Variants in SPATA6 observed in about 807,000 individuals in gnomAD.
SPATA6 encodes spermatogenesis-associated protein 6.
A neutral mutation model predicts 65.3 loss-of-function variants in SPATA6; 56 were observed. The observed-to-expected ratio is 0.86, with a 90% CI of 0.69 to 1.07. SPATA6 has a LOEUF of 1.07. Among genes scored for constraint, SPATA6 ranks in the 50% least tolerant of loss-of-function variants. The probability of loss-of-function intolerance (pLI) is 0.00; values close to 1 mark genes in which losing one functional copy is unlikely to be tolerated. For missense variants in SPATA6, 590 were observed against 594.8 expected (o/e 0.99, Z 0.08); for synonymous variants, 199 against 213.2 (o/e 0.93, Z 0.58).
In SPATA6 at chr1:48,399,758, T is replaced by C. The variant is rs2147932357; in HGVS notation, c.487-114A>G. 3 of 899,346 alleles carry C rather than the reference T, an allele frequency of 3.3e-6. No homozygotes were observed. The East Asian group carries it at 8.0e-5, about 24-fold the overall frequency. 55.7% of individuals were successfully genotyped at this position (899,346 alleles called of 1,614,324 possible). On this transcript the variant is annotated intron_variant, in intron 6 of 12. Coordinates refer to ENST00000371847, the MANE Select transcript of SPATA6 (RefSeq NM_019073.4). ...AGACGCAAAATCTATCAAAGCCAAC[T>C]AGATCAGTCCTTCCTATCTGTGCTG...
chr1:48,375,878 CTGTT>C (rs1404652882), intron 9 of SPATA6, among the ~76,000 whole-genome samples: 1 of 152,060 alleles, frequency 6.6e-6, no homozygotes, highest in Non-Finnish European at 1.5e-5. Flanking sequence ...ATAAATAAAA[CTGTT>C]TGAAAGGTAC....
intron 3 of SPATA6, among the ~76,000 whole-genome samples, chr1:48,416,228 T>C (rs780029285): frequency 7.9e-5 from 12 of 151,276 alleles, no homozygotes; most frequent in Admixed American, 6.6e-5. Flanking sequence ...AAATGAAAAA[T>C]CCTGAAAGAA....
chr1:48,295,623 G>C lies in SPATA6; in HGVS notation c.*3090C>G, dbSNP rs140806174. The C allele has an allele frequency of 6.6e-6, 1 of 152,126 alleles. No individual in the cohort carries two copies. Among genetic ancestry groups the C allele is most frequent in the Admixed American group, 6.6e-5 (1 of 15,248 alleles). 9.4% of individuals were successfully genotyped at this position (152,126 alleles called of 1,614,324 possible). ...CACTAATGGTTACAGGATTTCTTTTGGGAGTTATAAAATATTCTGTAATTA... is the reference window on the plus strand; with the variant it reads ...CACTAATGGTTACAGGATTTCTTTTCGGAGTTATAAAATATTCTGTAATTA... On this transcript the variant is annotated 3_prime_UTR_variant, in exon 13 of 13. Transcript: ENST00000371847.
downstream of SPATA6, among the ~76,000 whole-genome samples, chr1:48,295,072 A>G (rs1644792738): frequency 6.6e-6 from 1 of 152,242 alleles, no homozygotes; most frequent in African/African-American, 2.4e-5. Context: ...TATATATGTG[A>G]TGAATAAATT....
the SPATA6 span, among the ~76,000 whole-genome samples, chr1:48,263,741 T>A: frequency 1.6e-4 from 24 of 152,324 alleles, no homozygotes; most frequent in African/African-American, 5.5e-4. Context: ...TTGTGATATC[T>A]CTTACTATGA....
chr1:48,275,639 CATTG>C, the SPATA6 span, among the ~76,000 whole-genome samples: 2 of 151,990 alleles, frequency 1.3e-5, no homozygotes, highest in East Asian at 1.9e-4. Flanking sequence ...TGATGGATTA[CATTG>C]ATTGATTCGC....
At chr1:48,342,615 CAAA>C (rs56979935) in intron 11 of SPATA6, among the ~76,000 whole-genome samples, 6 of 69,684 alleles carry the variant, frequency 8.6e-5, no homozygotes, top group Non-Finnish European at 5.9e-5. Context: ...GACTCCATCT[CAAA>C]AAAAAAAAAA....
chr1:48,426,285 T>C (rs3767621), intron 3 of SPATA6, among the ~76,000 whole-genome samples: 59,960 of 151,938 alleles, frequency 0.39, 13,573 homozygotes, highest in Middle Eastern at 0.53. Flanking sequence ...AAAAGAGCAG[T>C]TGAAACTGGA....
intron 3 of SPATA6, among the ~76,000 whole-genome samples, chr1:48,448,510 C>T (rs1399536476): frequency 6.6e-6 from 1 of 150,452 alleles, no homozygotes; most frequent in South Asian, 2.1e-4. Context: ...AAAAAAAAGA[C>T]GTTCTCCATC....
chr1:48,471,902 G>C, intron 1 of SPATA6, 56 bp downstream of exon 1: 8 of 1,594,950 alleles, frequency 5.0e-6, no homozygotes, highest in Non-Finnish European at 6.8e-6. Context: ...TCTCGGAGGT[G>C]ACTGAGGGAG....
intron 11 of SPATA6, among the ~76,000 whole-genome samples, chr1:48,317,299 T>A (rs1449217937): frequency 6.6e-6 from 1 of 152,164 alleles, no homozygotes; most frequent in Non-Finnish European, 1.5e-5. Context: ...AATGATAGAC[T>A]GGATTAAGAA....
chr1:48,428,272 T>C (rs544919243), intron 3 of SPATA6, among the ~76,000 whole-genome samples: 16 of 152,216 alleles, frequency 1.1e-4, no homozygotes, highest in East Asian at 5.8e-4. Context: ...CTGACCAACA[T>C]GGAGAAACCC....
chr1:48,330,792 TC>T (rs1645893480), intron 11 of SPATA6, among the ~76,000 whole-genome samples: 1 of 152,114 alleles, frequency 6.6e-6, no homozygotes. Flanking sequence ...AAGTCCCACA[TC>T]CACCTGAACT....
chr1:48,425,422 T>C (rs1653744413), intron 3 of SPATA6, among the ~76,000 whole-genome samples: 1 of 152,332 alleles, frequency 6.6e-6, no homozygotes, highest in East Asian at 1.9e-4. Flanking sequence ...TATATGGTTA[T>C]ATACAAATGT....
chr1:48,393,633 G>C (rs976754357), intron 8 of SPATA6, among the ~76,000 whole-genome samples: 1 of 152,066 alleles, frequency 6.6e-6, no homozygotes, highest in Non-Finnish European at 1.5e-5. Flanking sequence ...AATATTGTCT[G>C]AATTAGTCTG....
At chr1:48,340,416 T>C (rs981055400) in intron 11 of SPATA6, among the ~76,000 whole-genome samples, 1 of 151,278 alleles carries the variant, frequency 6.6e-6, no homozygotes, top group Non-Finnish European at 1.5e-5. Flanking sequence ...CAAAAATAGA[T>C]GTAGAATTAA....
At chr1:48,315,280 C>T (rs1249625616) in intron 11 of SPATA6, among the ~76,000 whole-genome samples, 4 of 152,104 alleles carry the variant, frequency 2.6e-5, no homozygotes, top group Non-Finnish European at 5.9e-5. Context: ...AACATAGATG[C>T]AAAAATCCTC....
intron 9 of SPATA6, among the ~76,000 whole-genome samples, chr1:48,376,340 C>T (rs1276537651): frequency 6.6e-6 from 1 of 152,074 alleles, no homozygotes; most frequent in Non-Finnish European, 1.5e-5. Flanking sequence ...ACAAGATAAA[C>T]AGGAATTTGC....
At chr1:48,302,327 C>T (rs1166242386) in intron 12 of SPATA6, among the ~76,000 whole-genome samples, 1 of 152,150 alleles carries the variant, frequency 6.6e-6, no homozygotes, top group African/African-American at 2.4e-5. Context: ...CAATAGTGAA[C>T]ACTAACCAAC....
Sources: allele counts gnomAD v4.1 joint callset (sites outside exome capture counted in the v4.1 genomes callset), GRCh38; gene constraint gnomAD v4.1.1; transcripts MANE v1.5; gene names NCBI Gene and HGNC (gene_info 2026-07-23, HGNC 2026-07-21).